The following RGS6 variants were observed in gnomAD, a reference collection of about 807,000 sequenced individuals.
RGS6 encodes regulator of G-protein signaling 6.
RGS6 carries 30 observed loss-of-function variants against 78.5 expected under a neutral mutation model. The ratio of observed to expected loss-of-function variants is 0.38; its 90% CI spans 0.29 to 0.52. RGS6 has a LOEUF of 0.52. Among genes scored for constraint, RGS6 ranks in the 20% least tolerant of loss-of-function variants. The pLI, the probability that RGS6 is intolerant of heterozygous loss-of-function variation, is 0.85. For synonymous variants in RGS6, 206 were observed against 206.0 expected, an observed-to-expected ratio of 1.00 and a Z score of 0.00; for missense variants, 495 against 609.7, an observed-to-expected ratio of 0.81 and a Z score of 1.98.
intron 2 of RGS6, among the ~76,000 whole-genome samples, chr14:72,087,288 G>C (rs2095083317): frequency 6.6e-6 from 1 of 151,964 alleles, no homozygotes; most frequent in Admixed American, 6.6e-5. Flanking sequence ...ATGCTACCAT[G>C]CCCGGCTAAT....
At chr14:72,612,273 T>G in the RGS6 span, among the ~76,000 whole-genome samples, 1 of 152,068 alleles carries the variant, frequency 6.6e-6, no homozygotes, top group Non-Finnish European at 1.5e-5. Flanking sequence ...CCATCTGCTT[T>G]CCCAAATGCC....
the RGS6 span, among the ~76,000 whole-genome samples, chr14:71,870,882 T>G: frequency 6.6e-6 from 1 of 152,186 alleles, no homozygotes; most frequent in South Asian, 2.1e-4. Context: ...GCCTTGGGCC[T>G]CCCATCCCAG....
intron 2 of RGS6, among the ~76,000 whole-genome samples, chr14:71,971,924 T>G (rs921723141): frequency 6.7e-5 from 10 of 150,138 alleles, no homozygotes; most frequent in African/African-American, 1.5e-4. Flanking sequence ...TTTTTTTTTT[T>G]TTTTTTTTTT....
At chr14:72,124,964 T>C (rs1166507166) in intron 2 of RGS6, among the ~76,000 whole-genome samples, 2 of 152,220 alleles carry the variant, frequency 1.3e-5, no homozygotes, top group Admixed American at 1.3e-4. Context: ...TTTCATATAA[T>C]GGAAGGACAC....
At chr14:72,348,914 C>T (rs1055431349) in intron 2 of RGS6, among the ~76,000 whole-genome samples, 9 of 152,200 alleles carry the variant, frequency 5.9e-5, no homozygotes, top group Non-Finnish European at 5.9e-5. Context: ...CGCCTGTAAT[C>T]CCAGCACTTT....
At chr14:72,249,631 C>T (rs2055107806) in intron 2 of RGS6, among the ~76,000 whole-genome samples, 1 of 152,238 alleles carries the variant, frequency 6.6e-6, no homozygotes, top group South Asian at 2.1e-4. Flanking sequence ...TTTCATCCTA[C>T]AATGTGAATG....
chr14:72,249,754 T>A (rs1360993995), intron 2 of RGS6, among the ~76,000 whole-genome samples: 1 of 152,038 alleles, frequency 6.6e-6, no homozygotes, highest in Non-Finnish European at 1.5e-5. Context: ...GGTGAGAAAC[T>A]GTGAGAAAAA....
intron 2 of RGS6, among the ~76,000 whole-genome samples, chr14:72,114,551 G>T (rs1462295341): frequency 6.6e-6 from 1 of 152,206 alleles, no homozygotes; most frequent in Non-Finnish European, 1.5e-5. Flanking sequence ...CAAACAAGGA[G>T]AAATCTCCCT....
intron 3 of RGS6, among the ~76,000 whole-genome samples, chr14:72,389,980 A>G (rs929153802): frequency 6.6e-6 from 1 of 151,916 alleles, no homozygotes; most frequent in African/African-American, 2.4e-5. Flanking sequence ...CTCAAAACAG[A>G]TGGTGGGAAC....
chr14:71,895,450 G>T, the RGS6 span, among the ~76,000 whole-genome samples: 21 of 151,964 alleles, frequency 1.4e-4, no homozygotes, highest in Admixed American at 1.3e-4. Context: ...GACTCCCAAA[G>T]TGCTGGGATT....
intron 2 of RGS6, among the ~76,000 whole-genome samples, chr14:72,244,130 TAATG>T: frequency 6.6e-6 from 1 of 152,080 alleles, no homozygotes; most frequent in Admixed American, 6.5e-5. Context: ...CCCTGAGAGA[TAATG>T]ATGACTGAAG....
At chr14:72,346,488 C>T (rs572570244) in intron 2 of RGS6, among the ~76,000 whole-genome samples, 1 of 152,184 alleles carries the variant, frequency 6.6e-6, no homozygotes, top group Non-Finnish European at 1.5e-5. Context: ...ACATGCTTCC[C>T]CTACCTTGCA....
Position 72,562,825 on chromosome 14 carries a change from C to T in RGS6, c.*358C>T. 2.2e-6 allele frequency: 3 copies of T among 1,355,170 alleles called. No homozygotes were observed. Among genetic ancestry groups the T allele is most frequent in the Admixed American group, 2.0e-5 (1 of 50,752 alleles). 83.9% of individuals were successfully genotyped at this position (1,355,170 alleles called of 1,614,324 possible). ...TCACTTGAGATTATATTATTATCCTCACTCCCTCGCTGTCTGGAGACGGTC... is the reference window on the plus strand; with the variant it reads ...TCACTTGAGATTATATTATTATCCTTACTCCCTCGCTGTCTGGAGACGGTC... On this transcript the variant is annotated 3_prime_UTR_variant, in exon 18 of 18. Coordinates refer to ENST00000553525, the MANE Select transcript of RGS6 (RefSeq NM_001204424.2).
At chr14:72,327,223 A>C (rs1446352457) in intron 2 of RGS6, among the ~76,000 whole-genome samples, 1 of 152,188 alleles carries the variant, frequency 6.6e-6, no homozygotes, top group East Asian at 1.9e-4. Flanking sequence ...ATCCCAATTC[A>C]AACTCCACAT....
the RGS6 span, among the ~76,000 whole-genome samples, chr14:72,583,318 CT>C: frequency 6.6e-6 from 1 of 152,230 alleles, no homozygotes; most frequent in African/African-American, 2.4e-5. Context: ...AATAAATCCT[CT>C]CTCATATATC....
chr14:72,517,381 C>T (rs923447839), intron 14 of RGS6, among the ~76,000 whole-genome samples: 1 of 152,202 alleles, frequency 6.6e-6, no homozygotes, highest in Non-Finnish European at 1.5e-5. Flanking sequence ...AGACCTGGAT[C>T]CTGCTGCAAG....
At chr14:72,149,100 C>T (rs1207575099) in intron 2 of RGS6, among the ~76,000 whole-genome samples, 1 of 152,170 alleles carries the variant, frequency 6.6e-6, no homozygotes. Context: ...TTGATGCTGG[C>T]TGTTGGCCGA....
intron 3 of RGS6, among the ~76,000 whole-genome samples, chr14:72,364,320 C>A (rs897883791): frequency 2.0e-5 from 3 of 152,114 alleles, no homozygotes; most frequent in East Asian, 1.9e-4. Context: ...GAGAAAAAAC[C>A]CAGGTCACTG....
intron 3 of RGS6, among the ~76,000 whole-genome samples, chr14:72,391,670 A>T (rs143206317): frequency 6.6e-6 from 1 of 152,190 alleles, no homozygotes; most frequent in African/African-American, 2.4e-5. Context: ...ACATAGGTTT[A>T]TATGTGCCAT....
Sources: gnomAD v4.1 joint callset for allele counts (sites outside exome capture counted in the v4.1 genomes callset) on GRCh38, gnomAD v4.1.1 for gene constraint, MANE v1.5 for transcripts, NCBI Gene and HGNC (gene_info 2026-07-23, HGNC 2026-07-21) for gene names.